Variants in EFCAB6 observed in about 807,000 individuals in gnomAD.
EFCAB6 encodes EF-hand calcium-binding domain-containing protein 6.
A neutral mutation model predicts 169.8 loss-of-function variants in EFCAB6; 156 were observed. The ratio of observed to expected loss-of-function variants is 0.92; its 90% CI spans 0.81 to 1.05. The LOEUF is 1.05. Among genes scored for constraint, EFCAB6 ranks in the 50% least tolerant of loss-of-function variants. EFCAB6 has a pLI of 0.00. For synonymous variants in EFCAB6, 698 were observed against 676.4 expected (o/e 1.03, Z -0.50); for missense variants, 1,800 against 1,829.1 (o/e 0.98, Z 0.29).
At chr22:43,586,745 C>T (rs2051100175) in intron 24 of EFCAB6, among the ~76,000 whole-genome samples, 1 of 152,036 alleles carries the variant, frequency 6.6e-6, no homozygotes, top group African/African-American at 2.4e-5. Flanking sequence ...AGGTGGGGTG[C>T]AAAAGTCCAG....
intron 23 of EFCAB6, among the ~76,000 whole-genome samples, chr22:43,595,666 A>G (rs1277161818): frequency 6.6e-6 from 1 of 152,170 alleles, no homozygotes; most frequent in Non-Finnish European, 1.5e-5. Context: ...TCTACCAAAC[A>G]TTTAGAGAAG....
At chr22:43,544,715 CA>C (rs959336800) in intron 27 of EFCAB6, among the ~76,000 whole-genome samples, 71 of 147,524 alleles carry the variant, frequency 4.8e-4, no homozygotes, top group Non-Finnish European at 8.9e-4. Flanking sequence ...TAATACCCTT[CA>C]AAAAAAAAAC....
chr22:43,588,171 T>G (rs894107103), intron 24 of EFCAB6, among the ~76,000 whole-genome samples: 1 of 152,198 alleles, frequency 6.6e-6, no homozygotes, highest in Admixed American at 6.5e-5. Flanking sequence ...TACCATACAT[T>G]TCAATCCAAA....
intron 22 of EFCAB6, among the ~76,000 whole-genome samples, chr22:43,606,824 A>G (rs1198017382): frequency 6.6e-6 from 1 of 152,190 alleles, no homozygotes; most frequent in Non-Finnish European, 1.5e-5. Context: ...GTGAGTGTCC[A>G]CCTCCAATTG....
chr22:43,786,937 A>G (rs1296948960), intron 2 of EFCAB6, among the ~76,000 whole-genome samples: 1 of 152,158 alleles, frequency 6.6e-6, no homozygotes, highest in African/African-American at 2.4e-5. Flanking sequence ...AAACCATATT[A>G]TTAATCAAGG....
At chr22:43,800,895 A>T (rs2062686067) in intron 2 of EFCAB6, among the ~76,000 whole-genome samples, 1 of 152,220 alleles carries the variant, frequency 6.6e-6, no homozygotes, top group Admixed American at 6.5e-5. Context: ...GGAATTGAGC[A>T]AGAGCAAGGG....
chr22:43,534,232 C>G (rs145250977), intron 30 of EFCAB6, among the ~76,000 whole-genome samples: 2 of 152,266 alleles, frequency 1.3e-5, no homozygotes, highest in East Asian at 3.9e-4. Flanking sequence ...CTCATGAGAG[C>G]TGATGATTTT....
At chr22:43,629,670 C>T (rs531742806) in intron 19 of EFCAB6, among the ~76,000 whole-genome samples, 1 of 152,244 alleles carries the variant, frequency 6.6e-6, no homozygotes, top group East Asian at 1.9e-4. Flanking sequence ...GCAGTGGCAA[C>T]CTCTCAGCTG....
At chr22:43,555,945 G>A (rs2147081751) in intron 26 of EFCAB6, among the ~76,000 whole-genome samples, 1 of 152,362 alleles carries the variant, frequency 6.6e-6, no homozygotes, top group South Asian at 2.1e-4. Flanking sequence ...TGAGCTAGGA[G>A]GGGCCCGCAG....
At chr22:43,761,728 T>G (rs2061167724) in intron 5 of EFCAB6, among the ~76,000 whole-genome samples, 1 of 152,172 alleles carries the variant, frequency 6.6e-6, no homozygotes, top group Non-Finnish European at 1.5e-5. Flanking sequence ...TTCCAATATT[T>G]CGAGTGTTGG....
At chr22:43,644,240 G>A (rs947352333) in intron 17 of EFCAB6, among the ~76,000 whole-genome samples, 1 of 152,006 alleles carries the variant, frequency 6.6e-6, no homozygotes, top group Non-Finnish European at 1.5e-5. Flanking sequence ...GGAGATGACG[G>A]GTGCACAGGC....
intron 5 of EFCAB6, among the ~76,000 whole-genome samples, chr22:43,761,351 T>C (rs1478191803): frequency 6.6e-6 from 1 of 152,186 alleles, no homozygotes; most frequent in African/African-American, 2.4e-5. Flanking sequence ...GGACTCCTCT[T>C]CCTGTTTTCC....
chr22:43,757,659 C>T (rs755062766), intron 5 of EFCAB6, among the ~76,000 whole-genome samples: 19 of 152,194 alleles, frequency 1.2e-4, no homozygotes, highest in Non-Finnish European at 2.4e-4. Flanking sequence ...GGAAGCCTTC[C>T]CTTCCCAATC....
At chr22:43,780,253 G>A (rs556811887) in intron 3 of EFCAB6, among the ~76,000 whole-genome samples, 4 of 152,108 alleles carry the variant, frequency 2.6e-5, no homozygotes, top group South Asian at 2.1e-4. Context: ...TTGGGAGGCC[G>A]AGGGGGATAG....
intron 24 of EFCAB6, 120 bp from the exon 25 acceptor site, chr22:43,580,779 A>G (rs1392024682): frequency 6.4e-6 from 7 of 1,086,194 alleles, no homozygotes; most frequent in African/African-American, 1.6e-5. Flanking sequence ...TTAAGACACC[A>G]TTCCCTTCGC....
intron 17 of EFCAB6, among the ~76,000 whole-genome samples, chr22:43,636,228 G>C (rs924921006): frequency 1.3e-5 from 2 of 152,036 alleles, no homozygotes; most frequent in Non-Finnish European, 2.9e-5. Flanking sequence ...GAATACACAG[G>C]TTATCATCAA....
intron 2 of EFCAB6, among the ~76,000 whole-genome samples, chr22:43,790,713 G>A (rs2062252334): frequency 6.6e-6 from 1 of 152,208 alleles, no homozygotes; most frequent in Non-Finnish European, 1.5e-5. Context: ...CTGGGTTAAA[G>A]GAATATCTCT....
chr22:43,637,705 A>G (rs999425056), intron 17 of EFCAB6, among the ~76,000 whole-genome samples: 1 of 152,106 alleles, frequency 6.6e-6, no homozygotes, highest in Admixed American at 6.5e-5. Context: ...GAATGCTGAG[A>G]GTTCTGTGCC....
At chr22:43,779,635 G>A (rs2061749155) in intron 3 of EFCAB6, among the ~76,000 whole-genome samples, 1 of 152,134 alleles carries the variant, frequency 6.6e-6, no homozygotes, top group African/African-American at 2.4e-5. Context: ...AGCTACTCAG[G>A]AGGCTGAGGC....
Sources: allele counts gnomAD v4.1 joint callset (sites outside exome capture counted in the v4.1 genomes callset), GRCh38; gene constraint gnomAD v4.1.1; transcripts MANE v1.5; gene names NCBI Gene and HGNC (gene_info 2026-07-23, HGNC 2026-07-21).